The following NRG1 variants were observed in gnomAD, a reference collection of about 807,000 sequenced individuals.
The protein encoded by NRG1 is neuregulin 1.
A neutral mutation model predicts 63.8 loss-of-function variants in NRG1; 18 were observed. That is an observed-to-expected ratio of 0.28 (90% CI 0.19 to 0.42). The LOEUF (loss-of-function observed/expected upper bound fraction) is 0.42, where lower values mean the gene tolerates loss of function less well. NRG1 is among the 10% of genes least tolerant of loss of function. NRG1 has a pLI of 1.00. For synonymous variants in NRG1, 302 were observed against 301.3 expected (o/e 1.00, Z -0.02); for missense variants, 762 against 814.7 (o/e 0.94, Z 0.79).
chr8:31,714,777 A>T lies in NRG1; in HGVS notation c.37+75346A>T, dbSNP rs551934262. On this transcript the variant is annotated intron_variant, in intron 1 of 10. Transcript: ENST00000519301. ...TTGAGCTCTTTCTTATAAGTTGCTA[A>T]CTCTCTCATTGAAATAATTCATTCC... Among the ~76,000 whole-genome samples, 163 of 152,206 alleles carry T rather than the reference A, an allele frequency of 1.1e-3. 1 individual carries two copies. Among genetic ancestry groups the T allele is most frequent in the South Asian group, 3.1e-3 (15 of 4,824 alleles).
At chr8:32,642,903 G>A (rs1355511109) in intron 5 of NRG1, among the ~76,000 whole-genome samples, 1 of 152,172 alleles carries the variant, frequency 6.6e-6, no homozygotes, top group Non-Finnish European at 1.5e-5. Context: ...TCTTTCATCT[G>A]TTGGAGCTAC....
chr8:32,541,227 T>C (rs1221925932), intron 1 of NRG1, among the ~76,000 whole-genome samples: 1 of 152,092 alleles, frequency 6.6e-6, no homozygotes, highest in African/African-American at 2.4e-5. Context: ...AAGTCAGATA[T>C]ATGAAGTATT....
intron 1 of NRG1, among the ~76,000 whole-genome samples, chr8:32,353,423 A>G (rs1805905123): frequency 6.6e-6 from 1 of 151,876 alleles, no homozygotes; most frequent in South Asian, 2.1e-4. Flanking sequence ...TATAGTTGTA[A>G]TATTTTGTAA....
intron 5 of NRG1, among the ~76,000 whole-genome samples, chr8:32,686,503 AAAG>A (rs2128926737): frequency 6.6e-6 from 1 of 152,314 alleles, no homozygotes; most frequent in Non-Finnish European, 1.5e-5. Flanking sequence ...CAGGAGGAGA[AAAG>A]TGCTTCTTCA....
chr8:32,196,943 CTTTTTTTTTTT>C (rs773398472), intron 1 of NRG1, among the ~76,000 whole-genome samples: 3,618 of 27,308 alleles, frequency 0.13, 111 homozygotes, highest in African/African-American at 0.22. Context: ...TCAGAACATT[CTTTTTTTTTTT>C]TTTTTTTTTT....
intron 1 of NRG1, among the ~76,000 whole-genome samples, chr8:32,587,629 T>C (rs1448044392): frequency 1.3e-5 from 2 of 152,188 alleles, no homozygotes; most frequent in African/African-American, 2.4e-5. Context: ...CCTGGGTTTC[T>C]TCTTTGTCAG....
Position 32,281,216 on chromosome 8 carries a change from C to T in NRG1, c.38-314612C>T, listed in dbSNP as rs528590581. On this transcript the variant is annotated intron_variant, in intron 1 of 10. Transcript: ENST00000519301. ...TTTTTGAGACAGAATCTCGCTCTGT[C>T]GCTCAGGCTGGGGTGCAGTGGTGCG... Among the ~76,000 whole-genome samples the T allele has an allele frequency of 9.7e-4, 82 of 84,918 alleles. 2 individuals carry two copies. The South Asian group carries it at 0.026, about 27-fold the overall frequency. The allele number at this position is 84,918 out of a possible 152,430, so 55.7% of individuals were successfully genotyped here.
At chr8:32,222,149 C>A (rs915156379) in intron 1 of NRG1, among the ~76,000 whole-genome samples, 4 of 151,904 alleles carry the variant, frequency 2.6e-5, no homozygotes, top group African/African-American at 9.7e-5. Context: ...ACACAAGGGT[C>A]TCCAATAAGA....
intron 5 of NRG1, among the ~76,000 whole-genome samples, chr8:32,645,207 G>A (rs1853257676): frequency 6.6e-6 from 1 of 152,178 alleles, no homozygotes; most frequent in Non-Finnish European, 1.5e-5. Flanking sequence ...TGCTTCAATA[G>A]ATGTTTTCTA....
At chr8:32,353,467 T>C (rs1805913832) in intron 1 of NRG1, among the ~76,000 whole-genome samples, 1 of 152,056 alleles carries the variant, frequency 6.6e-6, no homozygotes, top group African/African-American at 2.4e-5. Context: ...GATTTTATTA[T>C]TGTTGTAATT....
chr8:32,066,829 G>T (rs1189138005), intron 1 of NRG1, among the ~76,000 whole-genome samples: 1 of 152,080 alleles, frequency 6.6e-6, no homozygotes, highest in African/African-American at 2.4e-5. Flanking sequence ...AGCATGGAAT[G>T]TTCTTCCATT....
intron 1 of NRG1, among the ~76,000 whole-genome samples, chr8:32,363,603 G>A (rs2129482010): frequency 6.6e-6 from 1 of 152,208 alleles, no homozygotes; most frequent in South Asian, 2.1e-4. Context: ...TTAGCAAATA[G>A]CATTTGGGCA....
At position 32,079,371 on chromosome 8, in the gene NRG1, G is replaced by T. The variant is rs576948590; in HGVS notation, c.37+439940G>T. On this transcript the variant is annotated intron_variant, in intron 1 of 10. Transcript: ENST00000519301. The stretch of plus-strand genomic sequence containing the variant: ...ATTAACTGAACAAAAGCAATGTCCA[G>T]GTACTGCAAAACTTTACATAAATTA... Among the ~76,000 whole-genome samples the T allele has an allele frequency of 2.6e-5, 4 of 152,176 alleles. No individual in the cohort carries two copies. In the East Asian group the frequency reaches 5.8e-4, roughly 22 times the overall value.
intron 1 of NRG1, among the ~76,000 whole-genome samples, chr8:32,155,596 C>T (rs1021794667): frequency 2.0e-5 from 3 of 152,178 alleles, no homozygotes; most frequent in Non-Finnish European, 2.9e-5. Flanking sequence ...GGCAATGTCT[C>T]TGGCTGTAGT....
At chr8:31,934,543 A>G (rs1207327617) in intron 1 of NRG1, among the ~76,000 whole-genome samples, 1 of 149,652 alleles carries the variant, frequency 6.7e-6, no homozygotes, top group Admixed American at 6.7e-5. Flanking sequence ...CCCCTGCCTC[A>G]GCCTCCCAAG....
chr8:31,962,088 A>G (rs763251252), intron 1 of NRG1, among the ~76,000 whole-genome samples: 1 of 152,116 alleles, frequency 6.6e-6, no homozygotes, highest in Admixed American at 6.5e-5. Flanking sequence ...TCTTCTTCAA[A>G]CCGTGTAGAA....
chr8:31,747,415 C>T (rs1815998079), intron 1 of NRG1, among the ~76,000 whole-genome samples: 1 of 151,842 alleles, frequency 6.6e-6, no homozygotes, highest in Non-Finnish European at 1.5e-5. Context: ...AAGCAAGAGA[C>T]ACACAGTCTC....
rs181888034 is a variant in NRG1 at position 32,649,192 on chromosome 8, T to C, written c.502+32307T>C. ...TTTTTTTTTTTTTTGATGTATGTCATCTTAGTCTGGCAGATTGCAGCGGCC... is the reference window on the plus strand; with the variant it reads ...TTTTTTTTTTTTTTGATGTATGTCACCTTAGTCTGGCAGATTGCAGCGGCC... On this transcript the variant is annotated intron_variant, in intron 5 of 11. Transcript: ENST00000356819. Among the ~76,000 whole-genome samples, 5 of 148,124 alleles carry C rather than the reference T, an allele frequency of 3.4e-5. No homozygotes were observed. In the East Asian group the frequency reaches 7.9e-4, roughly 24 times the overall value.
intron 5 of NRG1, among the ~76,000 whole-genome samples, chr8:32,624,003 T>C (rs1225649610): frequency 6.6e-6 from 1 of 152,188 alleles, no homozygotes; most frequent in African/African-American, 2.4e-5. Flanking sequence ...ATATAGATCA[T>C]TGATACTTGC....
Sources: gnomAD v4.1 joint callset for allele counts (sites outside exome capture counted in the v4.1 genomes callset) on GRCh38, gnomAD v4.1.1 for gene constraint, MANE v1.5 for transcripts, NCBI Gene and HGNC (gene_info 2026-07-23, HGNC 2026-07-21) for gene names.